Variants in SDHC observed in about 807,000 individuals in gnomAD.
SDHC encodes the protein succinate dehydrogenase cytochrome b560 subunit, mitochondrial.
A neutral mutation model predicts 22.6 loss-of-function variants in SDHC; 11 were observed. That is an observed-to-expected ratio of 0.49 (90% confidence interval 0.31 to 0.81). SDHC has a LOEUF of 0.81. Among genes scored for constraint, SDHC ranks in the 30% least tolerant of loss-of-function variants. The pLI, the probability that SDHC is intolerant of heterozygous loss-of-function variation, is 0.05. For synonymous variants in SDHC, 80 were observed against 77.8 expected (o/e 1.03, Z -0.15); for missense variants, 160 against 212.0 (o/e 0.75, Z 1.52).
chr1:161,338,555 T>G (rs1571865476), intron 3 of SDHC, among the ~76,000 whole-genome samples: 2 of 152,322 alleles, frequency 1.3e-5, no homozygotes, highest in Non-Finnish European at 2.9e-5. Context: ...CAATGGAAAG[T>G]TGATGATTCA....
chr1:161,343,862 T>A (rs16832846), intron 4 of SDHC, among the ~76,000 whole-genome samples: 20,792 of 152,102 alleles, frequency 0.14, 2,119 homozygotes, highest in African/African-American at 0.28. Flanking sequence ...TAGACTATAA[T>A]GATAAAAAAA....
intron 4 of SDHC, among the ~76,000 whole-genome samples, chr1:161,348,867 T>C (rs1465440122): frequency 6.6e-6 from 1 of 150,958 alleles, no homozygotes; most frequent in East Asian, 2.0e-4. Context: ...TACTCAGGAT[T>C]TTTCATAGTG....
chr1:161,346,456 A>G (rs1484821580), intron 4 of SDHC, among the ~76,000 whole-genome samples: 1 of 151,538 alleles, frequency 6.6e-6, no homozygotes, highest in Non-Finnish European at 1.5e-5. Context: ...CTGGAGTGCA[A>G]TAGCGCGATC....
intron 3 of SDHC, among the ~76,000 whole-genome samples, chr1:161,333,003 C>T (rs1671339150): frequency 6.6e-6 from 1 of 152,184 alleles, no homozygotes; most frequent in Admixed American, 6.5e-5. Flanking sequence ...AATCGTTTGT[C>T]CCTCCCAGCT....
chr1:161,343,050 C>T (rs773340387), intron 4 of SDHC, among the ~76,000 whole-genome samples: 26 of 152,242 alleles, frequency 1.7e-4, no homozygotes, highest in Non-Finnish European at 3.7e-4. Context: ...TGGCAACCTT[C>T]AGGTCCTATC....
At chr1:161,359,412 T>A (rs544549273) in intron 5 of SDHC, among the ~76,000 whole-genome samples, 44 of 152,300 alleles carry the variant, frequency 2.9e-4, no homozygotes, top group African/African-American at 1.0e-3. Flanking sequence ...TTAAAATGAC[T>A]TTTTACTTCC....
chr1:161,339,662 G>GT (rs532317918), intron 3 of SDHC: 702 of 51,636 alleles, frequency 0.014, 144 homozygotes, highest in African/African-American at 0.035. Flanking sequence ...TGATACAGGT[G>GT]TTTTTTTTTT....
intron 3 of SDHC, among the ~76,000 whole-genome samples, chr1:161,331,484 G>A (rs973764400): frequency 6.6e-6 from 1 of 151,890 alleles, no homozygotes. Context: ...ATAAAACCAT[G>A]TTGCCCAGGC....
chr1:161,360,254 T>C (rs371766431), intron 5 of SDHC, among the ~76,000 whole-genome samples: 3 of 152,156 alleles, frequency 2.0e-5, no homozygotes, highest in African/African-American at 7.2e-5. Flanking sequence ...TCAAAATTAG[T>C]GTTTTGTTAA....
chr1:161,327,711 G>A (rs78331431), intron 2 of SDHC, among the ~76,000 whole-genome samples: 11,931 of 151,554 alleles, frequency 0.079, 553 homozygotes, highest in East Asian at 0.17. Context: ...ACAGTCGTGC[G>A]CCAACACACC....
chr1:161,331,215 T>TATTA (rs1318272157), intron 3 of SDHC, among the ~76,000 whole-genome samples: 3 of 152,070 alleles, frequency 2.0e-5, no homozygotes, highest in Non-Finnish European at 4.4e-5. Context: ...CTTTCTCAGG[T>TATTA]ATTAACATAA....
intron 3 of SDHC, among the ~76,000 whole-genome samples, chr1:161,335,390 T>C (rs545891779): frequency 6.6e-6 from 1 of 152,314 alleles, no homozygotes; most frequent in Non-Finnish European, 1.5e-5. Flanking sequence ...TCATCAGATA[T>C]TTACTCACCA....
chr1:161,345,517 C>T (rs372052984), intron 4 of SDHC, among the ~76,000 whole-genome samples: 113 of 152,240 alleles, frequency 7.4e-4, no homozygotes, highest in African/African-American at 2.3e-3. Flanking sequence ...AATGTAGTGG[C>T]GCGATCTCAG....
chr1:161,362,310 T>G lies in SDHC; in HGVS notation c.406-19T>G. The G allele has an allele frequency of 6.2e-7, 1 of 1,603,818 alleles. No homozygotes were observed. The highest frequency in any genetic ancestry group is 8.5e-7 in the Non-Finnish European group (1 of 1,175,552). Reference sequence around the variant, plus strand: ...CTATTTACTGAAATTCCTTTTTTTTTTTTTTGCTTTGTCCACAGATGTGGG... The same window carrying G: ...CTATTTACTGAAATTCCTTTTTTTTGTTTTTGCTTTGTCCACAGATGTGGG... On this transcript the variant is annotated intron_variant, in intron 5 of 5. Transcript: ENST00000367975.
chr1:161,327,606 A>G (rs1671104295), intron 2 of SDHC, among the ~76,000 whole-genome samples: 1 of 151,988 alleles, frequency 6.6e-6, no homozygotes, highest in African/African-American at 2.4e-5. Flanking sequence ...CTGTCTCCCA[A>G]GCTGGAGTGC....
chr1:161,317,013 G>GTCCTTT (rs1670640889), intron 1 of SDHC, among the ~76,000 whole-genome samples: 2 of 136,556 alleles, frequency 1.5e-5, no homozygotes, highest in Non-Finnish European at 3.1e-5. Flanking sequence ...TTTTTTTTTG[G>GTCCTTT]TTCTTTTTCT....
chr1:161,316,234 C>CG (rs149195921), intron 1 of SDHC, among the ~76,000 whole-genome samples: 15 of 152,120 alleles, frequency 9.9e-5, no homozygotes, highest in Admixed American at 9.8e-4. Flanking sequence ...AGACCCTTTA[C>CG]GGGGGTCTGG....
intron 5 of SDHC, among the ~76,000 whole-genome samples, chr1:161,362,031 C>G (rs1269442209): frequency 6.6e-6 from 1 of 151,726 alleles, no homozygotes; most frequent in Non-Finnish European, 1.5e-5. Context: ...AAAGTTGTAT[C>G]TATTCATTCT....
intron 1 of SDHC, among the ~76,000 whole-genome samples, chr1:161,317,550 G>GGTT (rs1558161065): frequency 5.0e-5 from 3 of 59,898 alleles, no homozygotes; most frequent in African/African-American, 9.9e-5. Flanking sequence ...TGTGTGTGTG[G>GGTT]TTTTTTTTTT....
Sources: gnomAD v4.1 joint callset for allele counts (sites outside exome capture counted in the v4.1 genomes callset) on GRCh38, gnomAD v4.1.1 for gene constraint, MANE v1.5 for transcripts, NCBI Gene and HGNC (gene_info 2026-07-23, HGNC 2026-07-21) for gene names.